The following RCAN3 variants were observed in gnomAD, a reference collection of about 807,000 sequenced individuals.
RCAN3 encodes regulator of calcineurin 3.
In RCAN3, 19 loss-of-function variants were observed where a neutral mutation model predicts 21.9. The observed-to-expected ratio is 0.87, with a 90% CI of 0.61 to 1.27. RCAN3 has a LOEUF of 1.27. Ranked by LOEUF, RCAN3 falls within the 50% of genes most tolerant of loss-of-function variation. The probability of loss-of-function intolerance (pLI) is 0.00; values close to 1 mark genes in which losing one functional copy is unlikely to be tolerated. For missense variants in RCAN3, 240 were observed against 300.1 expected (o/e 0.80, Z 1.48); for synonymous variants, 114 against 112.3 (o/e 1.01, Z -0.09).
rs72884404 is a variant in RCAN3, at chr1:24,505,994, G to A, written c.-60+2844G>A. 2.1e-3 allele frequency among the ~76,000 whole-genome samples: 314 copies of A among 152,222 alleles called. 1 individual carries two copies. Among genetic ancestry groups the A allele is most frequent in the African/African-American group, 7.2e-3 (300 of 41,498 alleles). ...GGCAGAGCAGATGGTCATGCTACTT[G>A]GAGTTTTTCCACTCATTTGATATTT... On this transcript the variant is annotated intron_variant, in intron 1 of 4. Coordinates refer to ENST00000374395, the MANE Select transcript of RCAN3 (RefSeq NM_013441.4).
intron 2 of RCAN3, among the ~76,000 whole-genome samples, chr1:24,530,748 C>A (rs560647648): frequency 6.6e-6 from 1 of 152,116 alleles, no homozygotes; most frequent in Non-Finnish European, 1.5e-5. Context: ...TGGTGGCTCA[C>A]GCCTGTAATC....
intron 2 of RCAN3, among the ~76,000 whole-genome samples, chr1:24,523,955 G>T (rs535721812): frequency 6.6e-6 from 1 of 152,168 alleles, no homozygotes; most frequent in African/African-American, 2.4e-5. Context: ...GCCAGGCGTG[G>T]TGGCACAGGC....
intron 2 of RCAN3, among the ~76,000 whole-genome samples, chr1:24,530,350 T>TA (rs1452393076): frequency 1.4e-5 from 1 of 70,654 alleles, no homozygotes; most frequent in Non-Finnish European, 2.5e-5. Flanking sequence ...GTGAGACTCT[T>TA]ATCTCCAAAA....
intron 4 of RCAN3, among the ~76,000 whole-genome samples, chr1:24,534,562 G>T (rs976988801): frequency 6.8e-6 from 1 of 147,524 alleles, no homozygotes; most frequent in Non-Finnish European, 1.5e-5. Flanking sequence ...AGCCGAGGTC[G>T]CACCACTGCA....
Position 24,538,081 on chromosome 1 carries a change from G to C in RCAN3, c.*2804G>C, listed in dbSNP as rs1176213601. The stretch of plus-strand genomic sequence containing the variant: ...GTAACACTTAACAAGGATAGTCACA[G>C]AACCGACGCTGCATTGGCTCTTAGG... On this transcript the variant is annotated 3_prime_UTR_variant, in exon 5 of 5. Transcript: ENST00000374395. 1 of 152,190 alleles carries C rather than the reference G, an allele frequency of 6.6e-6. No individual in the cohort carries two copies. The highest frequency in any genetic ancestry group is 2.4e-5 in the African/African-American group (1 of 41,434). The allele number at this position is 152,190 out of a possible 1,614,324, so 9.4% of individuals were successfully genotyped here.
intron 2 of RCAN3, among the ~76,000 whole-genome samples, chr1:24,517,495 G>A (rs1333986466): frequency 4.6e-5 from 7 of 151,998 alleles, no homozygotes; most frequent in Non-Finnish European, 8.8e-5. Flanking sequence ...GGTCCTTGTT[G>A]GGTTTCATTT....
chr1:24,518,763 ATTAT>A (rs57153313), intron 2 of RCAN3, among the ~76,000 whole-genome samples: 13 of 150,384 alleles, frequency 8.6e-5, no homozygotes, highest in East Asian at 3.9e-4. Context: ...CAGCTAATTT[ATTAT>A]TTATTTATTT....
chr1:24,535,367 T>G lies in RCAN3; in HGVS notation c.*90T>G. ...GGCCGATGCGTTGCTGCGAACAGCATAGGTGAGACTCTGCCGAGTGAGGTA... is the reference window on the plus strand; with the variant it reads ...GGCCGATGCGTTGCTGCGAACAGCAGAGGTGAGACTCTGCCGAGTGAGGTA... On this transcript the variant is annotated 3_prime_UTR_variant, in exon 5 of 5. Transcript: ENST00000374395. 7.2e-7 allele frequency: 1 copy of G among 1,383,584 alleles called. No individual in the cohort carries two copies. The highest frequency in any genetic ancestry group is 9.6e-7 in the Non-Finnish European group (1 of 1,044,900). 85.7% of individuals were successfully genotyped at this position (1,383,584 alleles called of 1,614,324 possible).
chr1:24,503,726 G>GAT (rs1647250560), intron 1 of RCAN3, among the ~76,000 whole-genome samples: 1 of 152,222 alleles, frequency 6.6e-6, no homozygotes, highest in Non-Finnish European at 1.5e-5. Flanking sequence ...GGATTCTAGT[G>GAT]TAGGAAGCAA....
intron 1 of RCAN3, among the ~76,000 whole-genome samples, chr1:24,509,723 G>A (rs1045622546): frequency 2.6e-5 from 4 of 152,100 alleles, no homozygotes; most frequent in African/African-American, 7.2e-5. Flanking sequence ...TTGATGTTGC[G>A]ATTTTGACCT....
chr1:24,518,813 A>T (rs111925416), intron 2 of RCAN3, among the ~76,000 whole-genome samples: 9 of 152,040 alleles, frequency 5.9e-5, no homozygotes, highest in African/African-American at 2.2e-4. Flanking sequence ...TCACTCTGTC[A>T]CCCAGGCTGG....
Position 24,540,560 on chromosome 1 carries a change from T to A in RCAN3, c.*5283T>A, listed in dbSNP as rs1201827999. 6.6e-6 allele frequency: 1 copy of A among 152,218 alleles called. No homozygotes were observed. The highest frequency in any genetic ancestry group is 2.4e-5 in the African/African-American group (1 of 41,458). The allele number at this position is 152,218 out of a possible 1,614,324, so 9.4% of individuals were successfully genotyped here. A position where few individuals can be genotyped will look rare whatever the true frequency, so the allele number is the denominator to read the frequency against. ...AGAAAGGTGGTTACCCCTGTTACCG[T>A]GCCATATTCTTCTTGCTGCTTTTCA... On this transcript the variant is annotated 3_prime_UTR_variant, in exon 5 of 5. Coordinates refer to ENST00000374395, the MANE Select transcript of RCAN3 (RefSeq NM_013441.4).
chr1:24,517,728 C>T (rs909935048), intron 2 of RCAN3, among the ~76,000 whole-genome samples: 3 of 152,168 alleles, frequency 2.0e-5, no homozygotes, highest in Non-Finnish European at 4.4e-5. Context: ...TATGATGGCT[C>T]ATGCTTGTAA....
chr1:24,515,731 G>A (rs1199795745), intron 2 of RCAN3, among the ~76,000 whole-genome samples: 3 of 152,166 alleles, frequency 2.0e-5, no homozygotes, highest in Non-Finnish European at 4.4e-5. Flanking sequence ...TGCTTCAGGG[G>A]ATAGAGTGTG....
intron 2 of RCAN3, among the ~76,000 whole-genome samples, chr1:24,523,067 C>CT (rs201973981): frequency 1.5e-3 from 202 of 138,910 alleles, no homozygotes; most frequent in Middle Eastern, 3.6e-3. Flanking sequence ...TGTACACACA[C>CT]TTTTTTTTTT....
chr1:24,505,232 CTTTTTTT>C (rs796980559), intron 1 of RCAN3, among the ~76,000 whole-genome samples: 107 of 65,740 alleles, frequency 1.6e-3, no homozygotes, highest in East Asian at 3.1e-3. Context: ...TCTCTTTTTT[CTTTTTTT>C]TTTTTTTTTT....
intron 2 of RCAN3, among the ~76,000 whole-genome samples, chr1:24,523,645 T>C (rs556170648): frequency 2.1e-4 from 27 of 126,302 alleles, no homozygotes; most frequent in Middle Eastern, 7.4e-3. Flanking sequence ...CACACACATA[T>C]ATATTTTTTT....
chr1:24,527,235 G>A (rs894046898), intron 2 of RCAN3, among the ~76,000 whole-genome samples: 9 of 152,080 alleles, frequency 5.9e-5, no homozygotes, highest in Admixed American at 3.9e-4. Flanking sequence ...GGCTGGTCTC[G>A]AAGTTGATCC....
chr1:24,536,591 A>C lies in RCAN3; in HGVS notation c.*1314A>C, dbSNP rs529142924. On this transcript the variant is annotated 3_prime_UTR_variant, in exon 5 of 5. Transcript: ENST00000374395. ...CGGGTGGGTCTGCTGGCCTCCACTC[A>C]CTGTGCTGTTTCCTTTGAGTGGCAC... 1 of 152,318 alleles carries C rather than the reference A, an allele frequency of 6.6e-6. No individual in the cohort carries two copies. The highest frequency in any genetic ancestry group is 2.1e-4 in the South Asian group (1 of 4,826). 9.4% of individuals were successfully genotyped at this position (152,318 alleles called of 1,614,324 possible). A position where few individuals can be genotyped will look rare whatever the true frequency, so the allele number is the denominator to read the frequency against.
Sources: gnomAD v4.1 joint callset for allele counts (sites outside exome capture counted in the v4.1 genomes callset) on GRCh38, gnomAD v4.1.1 for gene constraint, MANE v1.5 for transcripts, NCBI Gene and HGNC (gene_info 2026-07-23, HGNC 2026-07-21) for gene names.